The following IQGAP1 variants were observed in gnomAD, a reference collection of about 807,000 sequenced individuals.
IQGAP1 encodes ras GTPase-activating-like protein IQGAP1.
IQGAP1 carries 66 observed loss-of-function variants against 215.6 expected under a neutral mutation model. The ratio of observed to expected loss-of-function variants is 0.31; its 90% CI spans 0.25 to 0.38. The LOEUF (loss-of-function observed/expected upper bound fraction) is 0.38, where lower values mean the gene tolerates loss of function less well. Among genes scored for constraint, IQGAP1 ranks in the 10% least tolerant of loss-of-function variants. The pLI is 1.00. For missense variants in IQGAP1, 1,712 were observed against 1,997.1 expected (o/e 0.86, Z 2.72); for synonymous variants, 772 against 728.7 (o/e 1.06, Z -0.96).
chr15:90,483,084 C>A, intron 28 of IQGAP1: 1 of 352,352 alleles, frequency 2.8e-6, no homozygotes, highest in Non-Finnish European at 5.3e-6. Flanking sequence ...TTAAGTGTGT[C>A]ATTTTTACCT....
Position 90,477,190 on chromosome 15 carries a change from C to CTCCT in IQGAP1, c.3065_3068dup (p.Arg1024ProfsTer5). 6.2e-7 allele frequency: 1 copy of CTCCT among 1,614,106 alleles called. No homozygotes were observed. The highest frequency in any genetic ancestry group is 8.5e-7 in the Non-Finnish European group (1 of 1,180,010). ...GTCCAACCAGCGAGAGGAGTACCTG[C>CTCCT]TCCTGCGGCTCTTTAAGACAGCACT... On this transcript the variant is annotated frameshift_variant, in exon 25 of 38. Coordinates refer to ENST00000268182, the MANE Select transcript of IQGAP1 (RefSeq NM_003870.4). LOFTEE classifies it high-confidence loss of function.
intron 26 of IQGAP1, among the ~76,000 whole-genome samples, chr15:90,479,665 G>A (rs2151034415): frequency 6.6e-6 from 1 of 152,066 alleles, no homozygotes; most frequent in South Asian, 2.1e-4. Context: ...AGGATAGGTT[G>A]AGCATGGGAG....
intron 2 of IQGAP1, among the ~76,000 whole-genome samples, chr15:90,396,995 G>A (rs1964731386): frequency 6.6e-6 from 1 of 152,062 alleles, no homozygotes; most frequent in Admixed American, 6.6e-5. Flanking sequence ...TGGGATTACA[G>A]GTGCCCACTG....
chr15:90,499,900 TG>T, intron 37 of IQGAP1, 94 bp from the exon 38 acceptor site: 1 of 799,018 alleles, frequency 1.3e-6, no homozygotes, highest in East Asian at 2.6e-5. Flanking sequence ...TCAGTCCATC[TG>T]GATCCCTCCC....
chr15:90,457,812 A>G (rs1396833881), intron 15 of IQGAP1, among the ~76,000 whole-genome samples: 1 of 152,090 alleles, frequency 6.6e-6, no homozygotes, highest in East Asian at 1.9e-4. Context: ...TTAGGTATAC[A>G]TTTTGGAGAG....
chr15:90,445,813 GT>G (rs1965519877), intron 9 of IQGAP1, among the ~76,000 whole-genome samples: 1 of 150,054 alleles, frequency 6.7e-6, no homozygotes, highest in African/African-American at 2.4e-5. Flanking sequence ...TAGGATTGGA[GT>G]TTTAAGTCCT....
chr15:90,421,463 G>A (rs1470887052), intron 2 of IQGAP1, among the ~76,000 whole-genome samples: 5 of 146,542 alleles, frequency 3.4e-5, no homozygotes, highest in African/African-American at 2.6e-5. Flanking sequence ...GCAACAGAGC[G>A]AGACTCCGTT....
chr15:90,440,445 T>C, intron 6 of IQGAP1, 57 bp from the exon 7 acceptor site: 1 of 1,198,868 alleles, frequency 8.3e-7, no homozygotes, highest in Non-Finnish European at 1.2e-6. Flanking sequence ...TGTTTCCTTC[T>C]CTTGGTTATG....
chr15:90,477,129 C>T lies in IQGAP1; in HGVS notation c.3003C>T (p.Phe1001=). 3.1e-6 allele frequency: 5 copies of T among 1,613,908 alleles called. No homozygotes were observed. The highest frequency in any genetic ancestry group is 4.2e-6 in the Non-Finnish European group (5 of 1,179,782). ...FQMPQNKSTK[F]MDSVIFTLYN... ...TGCCCCAGAACAAGTCCACCAAGTT[C>T]ATGGACTCTGTAATCTTCACACTCT... The change falls in exon 25 of 38, where the codon TTC becomes TTT. Residue 1001 remains phenylalanine (F), a synonymous_variant. Transcript: ENST00000268182.
chr15:90,471,212 G>T (rs1468753123), intron 18 of IQGAP1, among the ~76,000 whole-genome samples: 1 of 152,126 alleles, frequency 6.6e-6, no homozygotes, highest in Non-Finnish European at 1.5e-5. Context: ...CTGCAGTTCA[G>T]CAGTCCAGGG....
chr15:90,493,510 T>G lies in IQGAP1; in HGVS notation c.4628+799T>G, dbSNP rs1214541774. On this transcript the variant is annotated intron_variant, in intron 35 of 37. Coordinates refer to ENST00000268182, the MANE Select transcript of IQGAP1 (RefSeq NM_003870.4). ...CAGAGAGGTGGGTGATAAGAGCAGG[T>G]TTTACTTGCAGGGTAGTTTATTATT... 2.0e-5 allele frequency among the ~76,000 whole-genome samples: 3 copies of G among 152,242 alleles called. No individual in the cohort carries two copies. The East Asian group carries it at 5.8e-4, about 29-fold the overall frequency.
At chr15:90,412,262 C>A (rs1368469899) in intron 2 of IQGAP1, among the ~76,000 whole-genome samples, 1 of 152,098 alleles carries the variant, frequency 6.6e-6, no homozygotes, top group Non-Finnish European at 1.5e-5. Context: ...ACTCAGGTTT[C>A]CTTTAAAACA....
chr15:90,388,309 G>C lies in IQGAP1; in HGVS notation c.-33G>C. On this transcript the variant is annotated 5_prime_UTR_variant, in exon 1 of 38. Transcript: ENST00000268182. The stretch of plus-strand genomic sequence containing the variant: ...GCCGTCCGCGCCTCCAAGGTTTCAC[G>C]GCTTCCTCAGCAGAGACTCGGGCTC... The C allele has an allele frequency of 1.9e-6, 3 of 1,598,042 alleles. No homozygotes were observed. Among genetic ancestry groups the C allele is most frequent in the Non-Finnish European group, 8.5e-7 (1 of 1,173,676 alleles).
chr15:90,388,530 G>A (rs926834193), intron 1 of IQGAP1, 134 bp downstream of exon 1: 10 of 771,112 alleles, frequency 1.3e-5, no homozygotes, highest in Non-Finnish European at 1.8e-5. Context: ...GAGCCGTCCC[G>A]GTGGGGCGGC....
intron 5 of IQGAP1, among the ~76,000 whole-genome samples, chr15:90,438,493 T>G (rs1443076850): frequency 6.6e-6 from 1 of 152,170 alleles, no homozygotes; most frequent in Non-Finnish European, 1.5e-5. Flanking sequence ...AAAAATAATT[T>G]TCACCAACCT....
intron 11 of IQGAP1, among the ~76,000 whole-genome samples, chr15:90,450,538 T>G (rs528419356): frequency 1.3e-5 from 2 of 151,878 alleles, no homozygotes; most frequent in Non-Finnish European, 2.9e-5. Flanking sequence ...CATCCTGTTT[T>G]CCGTAGCGGC....
Position 90,443,376 on chromosome 15 carries a change from CT to C in IQGAP1, c.829-13del. 6.4e-7 allele frequency: 1 copy of C among 1,574,060 alleles called. No homozygotes were observed. The highest frequency in any genetic ancestry group is 8.7e-7 in the Non-Finnish European group (1 of 1,144,220). ...GACACCTTAAGCTAACTTAATTACGCTTTTTACTCATCCTCAGACAGAAAAC... is the reference window on the plus strand; with the variant it reads ...GACACCTTAAGCTAACTTAATTACGCTTTTACTCATCCTCAGACAGAAAAC... On this transcript the variant is annotated splice_polypyrimidine_tract_variant and intron_variant, in intron 8 of 37. Transcript: ENST00000268182.
intron 33 of IQGAP1, among the ~76,000 whole-genome samples, chr15:90,487,959 A>C (rs189530968): frequency 6.6e-6 from 1 of 152,306 alleles, no homozygotes; most frequent in Non-Finnish European, 1.5e-5. Flanking sequence ...ATGGTGGCTC[A>C]TGCCTGTAAT....
intron 2 of IQGAP1, among the ~76,000 whole-genome samples, chr15:90,421,978 T>C (rs1965144076): frequency 6.6e-6 from 1 of 152,210 alleles, no homozygotes. Flanking sequence ...TTAAGTTTTA[T>C]AAGAAAGGTT....
Sources: gnomAD v4.1 joint callset for allele counts (sites outside exome capture counted in the v4.1 genomes callset) on GRCh38, gnomAD v4.1.1 for gene constraint, MANE v1.5 for transcripts, NCBI Gene and HGNC (gene_info 2026-07-23, HGNC 2026-07-21) for gene names.